Variants in DEPDC1B observed in about 807,000 individuals in gnomAD.
The protein encoded by DEPDC1B is DEP domain-containing protein 1B.
A neutral mutation model predicts 66.5 loss-of-function variants in DEPDC1B; 51 were observed. The ratio of observed to expected loss-of-function variants is 0.77; its 90% confidence interval spans 0.61 to 0.97. DEPDC1B has a LOEUF of 0.97. Among genes scored for constraint, DEPDC1B ranks in the 50% least tolerant of loss-of-function variants. The pLI is 0.00. For synonymous variants in DEPDC1B, 226 were observed against 223.6 expected, an observed-to-expected ratio of 1.01 and a Z score of -0.10; for missense variants, 552 against 637.1, an observed-to-expected ratio of 0.87 and a Z score of 1.44.
chr5:60,681,032 C>T (rs768816164), intron 2 of DEPDC1B, among the ~76,000 whole-genome samples: 10 of 152,224 alleles, frequency 6.6e-5, no homozygotes, highest in Non-Finnish European at 7.3e-5. Context: ...TTTCCACCTA[C>T]AGGTGTTGAG....
chr5:60,632,272 T>C (rs1433934751), intron 7 of DEPDC1B, among the ~76,000 whole-genome samples: 1 of 152,122 alleles, frequency 6.6e-6, no homozygotes, highest in Non-Finnish European at 1.5e-5. Context: ...TCCATGCCCG[T>C]GTCCTGGAAG....
intron 2 of DEPDC1B, among the ~76,000 whole-genome samples, chr5:60,686,427 C>T (rs941125778): frequency 2.6e-5 from 4 of 152,094 alleles, no homozygotes; most frequent in Non-Finnish European, 4.4e-5. Flanking sequence ...GATTATCTGG[C>T]GGTAAGTGTC....
At chr5:60,617,403 C>G (rs563564257) in intron 7 of DEPDC1B, among the ~76,000 whole-genome samples, 5 of 152,232 alleles carry the variant, frequency 3.3e-5, no homozygotes, top group Admixed American at 6.5e-5. Flanking sequence ...ATCTCACATG[C>G]AGAGACACAC....
At chr5:60,691,051 TCTA>T (rs1754531892) in intron 1 of DEPDC1B, among the ~76,000 whole-genome samples, 1 of 135,350 alleles carries the variant, frequency 7.4e-6, no homozygotes, top group African/African-American at 2.7e-5. Flanking sequence ...TTTCACTTTT[TCTA>T]CTTTTTTTTT....
At chr5:60,667,894 A>ATGGATATTTTACATATATGTAAAAAT (rs1561384303) in intron 2 of DEPDC1B, among the ~76,000 whole-genome samples, 1 of 87,768 alleles carries the variant, frequency 1.1e-5, no homozygotes, top group African/African-American at 3.8e-5. Flanking sequence ...TATGTAAAAA[A>ATGGATATTTTACATATATGTAAAAAT]TGGATATTTT....
At chr5:60,686,182 A>G (rs1327805817) in intron 2 of DEPDC1B, among the ~76,000 whole-genome samples, 1 of 152,194 alleles carries the variant, frequency 6.6e-6, no homozygotes, top group African/African-American at 2.4e-5. Context: ...CTGCAATCAC[A>G]CTTATTTTTC....
intron 1 of DEPDC1B, among the ~76,000 whole-genome samples, chr5:60,694,560 ATCATTTCTT>A (rs1196064605): frequency 2.0e-5 from 3 of 152,368 alleles, no homozygotes; most frequent in African/African-American, 7.2e-5. Flanking sequence ...ACTAGATGTT[ATCATTTCTT>A]TCATTTCTGC....
At chr5:60,613,822 G>GTA (rs1252118886) in intron 7 of DEPDC1B, among the ~76,000 whole-genome samples, 4 of 131,176 alleles carry the variant, frequency 3.0e-5, no homozygotes, top group African/African-American at 1.2e-4. Flanking sequence ...GTGTGTGTGT[G>GTA]TGTGTGTATA....
chr5:60,699,933 C>A, intron 1 of DEPDC1B, 113 bp downstream of exon 1: 2 of 1,317,328 alleles, frequency 1.5e-6, no homozygotes, highest in South Asian at 1.3e-5. Flanking sequence ...AAATGCTCCA[C>A]ACCCGAGCCC....
chr5:60,693,308 A>G (rs1484959655), intron 1 of DEPDC1B, among the ~76,000 whole-genome samples: 1 of 152,146 alleles, frequency 6.6e-6, no homozygotes, highest in Non-Finnish European at 1.5e-5. Flanking sequence ...GAAGAAACCA[A>G]GTGAGTGGAT....
chr5:60,628,210 C>G (rs1263099088), intron 7 of DEPDC1B: 1 of 152,180 alleles, frequency 6.6e-6, no homozygotes, highest in African/African-American at 2.4e-5. Context: ...TCGGTGATAC[C>G]TACCTTCGTC....
chr5:60,683,971 A>G (rs1754354573), intron 2 of DEPDC1B, among the ~76,000 whole-genome samples: 1 of 152,146 alleles, frequency 6.6e-6, no homozygotes, highest in African/African-American at 2.4e-5. Flanking sequence ...AAACTAGCTG[A>G]AAAGAAATCA....
intron 2 of DEPDC1B, among the ~76,000 whole-genome samples, chr5:60,652,522 G>T (rs1276924232): frequency 6.7e-6 from 1 of 149,160 alleles, no homozygotes; most frequent in Non-Finnish European, 1.5e-5. Flanking sequence ...CTAAGGAAGG[G>T]ACATACTGAG....
chr5:60,643,882 C>G (rs1367566192), intron 5 of DEPDC1B, among the ~76,000 whole-genome samples: 2 of 152,168 alleles, frequency 1.3e-5, no homozygotes, highest in Non-Finnish European at 2.9e-5. Flanking sequence ...CTGCTCCTGT[C>G]AGGAAACATG....
At chr5:60,622,307 T>A (rs1752723040) in intron 7 of DEPDC1B, among the ~76,000 whole-genome samples, 1 of 152,200 alleles carries the variant, frequency 6.6e-6, no homozygotes, top group Admixed American at 6.6e-5. Flanking sequence ...TCCTAGAATT[T>A]CATGTAAATG....
intron 2 of DEPDC1B, among the ~76,000 whole-genome samples, chr5:60,681,296 C>T (rs927211277): frequency 1.3e-4 from 20 of 152,170 alleles, no homozygotes; most frequent in East Asian, 1.9e-4. Flanking sequence ...CCACCCAGAG[C>T]GGCAGGACCA....
intron 2 of DEPDC1B, among the ~76,000 whole-genome samples, chr5:60,676,113 G>A (rs897054167): frequency 3.5e-4 from 53 of 151,660 alleles, no homozygotes; most frequent in African/African-American, 1.3e-3. Context: ...TGTATTTTTA[G>A]TAAAGACGGG....
chr5:60,683,225 T>G (rs192553371), intron 2 of DEPDC1B, among the ~76,000 whole-genome samples: 21 of 152,070 alleles, frequency 1.4e-4, no homozygotes, highest in Admixed American at 5.9e-4. Context: ...AGCTCAGGGG[T>G]TCAAGACCAG....
At position 60,604,309 on chromosome 5, in the gene DEPDC1B, C is replaced by A. The variant is rs1238323616; in HGVS notation, c.1066-742G>T. On this transcript the variant is annotated intron_variant, in intron 8 of 10. Transcript: ENST00000265036. The stretch of plus-strand genomic sequence containing the variant: ...GATCTTGGCTCACTGTAACCTCCGC[C>A]TCCCAGGTTCAAGCAATTCTCCTGC... Among the ~76,000 whole-genome samples, 2 of 139,212 alleles carry A rather than the reference C, an allele frequency of 1.4e-5. 1 individual carries two copies. Among genetic ancestry groups the A allele is most frequent in the South Asian group, 4.5e-4 (2 of 4,474 alleles). 91.3% of individuals were successfully genotyped at this position (139,212 alleles called of 152,430 possible).
Sources: allele counts gnomAD v4.1 joint callset (sites outside exome capture counted in the v4.1 genomes callset), GRCh38; gene constraint gnomAD v4.1.1; transcripts MANE v1.5; gene names NCBI Gene and HGNC (gene_info 2026-07-23, HGNC 2026-07-21).